NIBAN2: variants seen among roughly 807,000 people sequenced by gnomAD.
The protein encoded by NIBAN2 is niban apoptosis regulator 2.
A neutral mutation model predicts 81.8 loss-of-function variants in NIBAN2; 36 were observed. That is an observed-to-expected ratio of 0.44 (90% CI 0.34 to 0.58). The LOEUF (loss-of-function observed/expected upper bound fraction) is 0.58. NIBAN2 is among the 20% of genes least tolerant of loss of function. NIBAN2 has a pLI of 0.02. For synonymous variants in NIBAN2, 445 were observed against 441.6 expected (o/e 1.01, Z -0.10); for missense variants, 897 against 1,014.1 (o/e 0.88, Z 1.57).
rs772145640 is a variant in NIBAN2, at chr9:127,508,173, G to A, written c.1462C>T (p.Arg488Trp). The change falls in exon 12 of 14, where the codon CGG becomes TGG. Residue 488 changes from arginine (R) to tryptophan (W), a missense_variant. Transcript: ENST00000373312. This position sits in a 1 kb window ranked among gnomAD's most constrained non-coding sequence, Gnocchi z 6.4. Reference protein sequence around the residue: ...KKYDYDSSSVRKRFFREALLQ... With the variant: ...KKYDYDSSSVWKRFFREALLQ... ...AGCGCCTCCCGGAAGAACCTCTTCC[G>A]CACAGAGCTGCTGTCGTAGTCGTAT... The A allele has an allele frequency of 3.7e-6, 6 of 1,613,360 alleles. No individual in the cohort carries two copies. Among genetic ancestry groups the A allele is most frequent in the African/African-American group, 1.3e-5 (1 of 74,926 alleles).
At chr9:127,574,031 A>G (rs774307035), upstream of NIBAN2, among the ~76,000 whole-genome samples, 11 of 152,124 alleles carry the variant, frequency 7.2e-5, no homozygotes, top group African/African-American at 2.7e-4. Context: ...TTTCTTATTG[A>G]TTTGTAAGAG....
At chr9:127,578,709 T>C (rs1476995189) in intron 1 of NIBAN2, among the ~76,000 whole-genome samples, 2 of 149,830 alleles carry the variant, frequency 1.3e-5, no homozygotes, top group Non-Finnish European at 1.5e-5. Context: ...AAAGAACCCC[T>C]TGTCAGTGGG....
upstream of NIBAN2, among the ~76,000 whole-genome samples, chr9:127,572,826 C>T (rs1046075072): frequency 6.6e-6 from 1 of 151,970 alleles, no homozygotes; most frequent in African/African-American, 2.4e-5. Context: ...AAGAGGATTG[C>T]TTGAGGCCAG....
At chr9:127,548,673 C>A (rs963368963) in intron 1 of NIBAN2, among the ~76,000 whole-genome samples, 1 of 152,162 alleles carries the variant, frequency 6.6e-6, no homozygotes. Flanking sequence ...GAAAATACCT[C>A]TAGGGTTTCA....
intron 5 of NIBAN2, 25 bp downstream of exon 5, chr9:127,523,654 G>T: frequency 6.3e-7 from 1 of 1,591,838 alleles, no homozygotes; most frequent in South Asian, 1.1e-5. Context: ...CCCTCCCACC[G>T]ACCCTGCACC....
intron 5 of NIBAN2, 63 bp from the exon 6 acceptor site, chr9:127,518,004 A>T: frequency 1.9e-6 from 2 of 1,080,728 alleles, no homozygotes; most frequent in Non-Finnish European, 2.7e-6. Flanking sequence ...TACCAAGACC[A>T]ACTGAGAACT....
chr9:127,549,971 G>A (rs560620621), intron 1 of NIBAN2, among the ~76,000 whole-genome samples: 102 of 152,272 alleles, frequency 6.7e-4, no homozygotes, highest in Admixed American at 1.1e-3. Context: ...CCATTTGTGC[G>A]CCCTGAGAGA....
In NIBAN2 at chr9:127,566,575, C is replaced by T. The variant is rs185160439; in HGVS notation, c.55+2245G>A. ...GCAGGCAGGCTGGCATTCACCTGCT[C>T]ACCTGCTTGGGGCGGGCACAAAGCT... On this transcript the variant is annotated intron_variant, in intron 1 of 13. Coordinates refer to ENST00000373312, the MANE Select transcript of NIBAN2 (RefSeq NM_022833.4). Among the ~76,000 whole-genome samples the T allele has an allele frequency of 2.0e-4, 30 of 152,310 alleles. No individual in the cohort carries two copies. The East Asian group carries it at 5.0e-3, about 25-fold the overall frequency.
At chr9:127,533,176 G>C (rs376573837) in intron 1 of NIBAN2, among the ~76,000 whole-genome samples, 1 of 151,682 alleles carries the variant, frequency 6.6e-6, no homozygotes, top group African/African-American at 2.4e-5. Context: ...AAAACAAAAG[G>C]CTGGGCACGG....
intron 1 of NIBAN2, among the ~76,000 whole-genome samples, chr9:127,539,880 C>T (rs1008480497): frequency 1.3e-5 from 2 of 152,250 alleles, no homozygotes; most frequent in African/African-American, 4.8e-5. Flanking sequence ...CACCTATGAG[C>T]TGTGTGGCCT....
At position 127,568,946 on chromosome 9, in the gene NIBAN2, T is replaced by C. The variant is rs2132243692; in HGVS notation, c.-72A>G. Reference sequence around the variant, plus strand: ...CCCGCGCTGCTCAGGCGGACGCCGCTGGCGCCATGGAGCCCGGCCCGCCCT... The same window carrying C: ...CCCGCGCTGCTCAGGCGGACGCCGCCGGCGCCATGGAGCCCGGCCCGCCCT... On this transcript the variant is annotated 5_prime_UTR_variant, in exon 1 of 14. Transcript: ENST00000373312. The C allele has an allele frequency of 8.4e-7, 1 of 1,183,638 alleles. No individual in the cohort carries two copies. Among genetic ancestry groups the C allele is most frequent in the Non-Finnish European group, 1.0e-6 (1 of 958,488 alleles). The allele number at this position is 1,183,638 out of a possible 1,614,324, so 73.3% of individuals were successfully genotyped here.
chr9:127,515,189 T>C lies in NIBAN2; in HGVS notation c.973+1668A>G, dbSNP rs1438180149. Among the ~76,000 whole-genome samples the C allele has an allele frequency of 2.0e-5, 3 of 152,056 alleles. No homozygotes were observed. The East Asian group carries it at 5.8e-4, about 29-fold the overall frequency. On this transcript the variant is annotated intron_variant, in intron 8 of 13. Coordinates refer to ENST00000373312, the MANE Select transcript of NIBAN2 (RefSeq NM_022833.4). ...GTGAACCATGATTGTACCACTGCTCTCTACCTGGAAGACAGAGCGAGACTC... is the reference window on the plus strand; with the variant it reads ...GTGAACCATGATTGTACCACTGCTCCCTACCTGGAAGACAGAGCGAGACTC...
intron 8 of NIBAN2, among the ~76,000 whole-genome samples, chr9:127,511,609 T>G (rs1836737591): frequency 6.6e-6 from 1 of 152,212 alleles, no homozygotes; most frequent in South Asian, 2.1e-4. Context: ...CAAGGTGTTC[T>G]GAGATTGGAC....
rs1008286075 is a variant in NIBAN2, at chr9:127,508,846, G to A, written c.1317+130C>T. On this transcript the variant is annotated intron_variant, in intron 10 of 13. Coordinates refer to ENST00000373312, the MANE Select transcript of NIBAN2 (RefSeq NM_022833.4). This position sits in a 1 kb window ranked among gnomAD's most constrained non-coding sequence, Gnocchi z 6.4. ...CAGAGGCACAGATGTTCCAAGCAGAGGAGGAGAGAGCGTGCCAGGCAAGCG... is the reference window on the plus strand; with the variant it reads ...CAGAGGCACAGATGTTCCAAGCAGAAGAGGAGAGAGCGTGCCAGGCAAGCG... 1.1e-4 allele frequency: 115 copies of A among 1,044,410 alleles called. No homozygotes were observed. Among genetic ancestry groups the A allele is most frequent in the Non-Finnish European group, 1.5e-4 (104 of 691,032 alleles). The allele number at this position is 1,044,410 out of a possible 1,614,324, so 64.7% of individuals were successfully genotyped here. A position where few individuals can be genotyped will look rare whatever the true frequency, so the allele number is the denominator to read the frequency against.
chr9:127,562,791 C>A (rs75404442), intron 1 of NIBAN2, among the ~76,000 whole-genome samples: 1 of 152,184 alleles, frequency 6.6e-6, no homozygotes, highest in African/African-American at 2.4e-5. Context: ...TGAGAAACAA[C>A]CTCATGTCCA....
intron 5 of NIBAN2, among the ~76,000 whole-genome samples, chr9:127,520,879 G>A (rs960566227): frequency 3.3e-5 from 5 of 152,030 alleles, no homozygotes; most frequent in African/African-American, 1.2e-4. Flanking sequence ...GCAAGCCTCT[G>A]TCTCAAAAAA....
In NIBAN2 at chr9:127,536,533, G is replaced by T. The variant is rs1278104381; in HGVS notation, c.56-4755C>A. Among the ~76,000 whole-genome samples the T allele has an allele frequency of 6.6e-6, 1 of 152,240 alleles. No homozygotes were observed. Among genetic ancestry groups the T allele is most frequent in the Non-Finnish European group, 1.5e-5 (1 of 68,036 alleles). On this transcript the variant is annotated intron_variant, in intron 1 of 13. Coordinates refer to ENST00000373312, the MANE Select transcript of NIBAN2 (RefSeq NM_022833.4). This position sits in a 1 kb window ranked among gnomAD's most constrained non-coding sequence, Gnocchi z 4.0. ...AAATTCCCACATGGCGTCCCGGCCT[G>T]GGTGTCTGTGGGGGTCCTGAGCCCG...
At chr9:127,521,973 C>T (rs191401999) in intron 5 of NIBAN2, among the ~76,000 whole-genome samples, 4 of 152,342 alleles carry the variant, frequency 2.6e-5, no homozygotes, top group East Asian at 1.9e-4. Context: ...CCACCTTGTT[C>T]TGTGCCCACC....
chr9:127,507,285 T>G lies in NIBAN2; in HGVS notation c.1801A>C (p.Ser601Arg). The G allele has an allele frequency of 6.3e-7, 1 of 1,587,866 alleles. No individual in the cohort carries two copies. Among genetic ancestry groups the G allele is most frequent in the South Asian group, 1.1e-5 (1 of 89,038 alleles). ...GACTCCGGGGTGCTGGGGCTGGGGC[T>G]GCCGCCCCCGCCGCTGTTGCTGTAC... Reference protein sequence around the residue: ...EEYSNSGGGGSPSPSTPESAT... With the variant: ...EEYSNSGGGGRPSPSTPESAT... The change falls in exon 14 of 14, where the codon AGC becomes CGC. Residue 601 changes from serine (S) to arginine (R), a missense_variant. This residue lies in a region of NIBAN2 where 619 missense variants were observed against 691.0 expected (regional missense o/e 0.90). Transcript: ENST00000373312. The surrounding 1 kb of genome is among the most constrained non-coding windows in gnomAD (Gnocchi z 6.8).
Sources: gnomAD v4.1 joint callset for allele counts (sites outside exome capture counted in the v4.1 genomes callset) on GRCh38, gnomAD v4.1.1 for gene constraint, gnomAD v4.1.1 regional missense constraint, Gnocchi (gnomAD v3.1) non-coding constraint, MANE v1.5 for transcripts, NCBI Gene and HGNC (gene_info 2026-07-23, HGNC 2026-07-21) for gene names.